ZBTB7B: variants seen among roughly 807,000 people sequenced by gnomAD.
ZBTB7B encodes the protein zinc finger and BTB domain-containing protein 7B.
In ZBTB7B, 8 loss-of-function variants were observed where a neutral mutation model predicts 31.0. The observed-to-expected ratio is 0.26, with a 90% CI of 0.15 to 0.47. The LOEUF is 0.47. ZBTB7B is among the 20% of genes least tolerant of loss of function. The pLI is 0.99. For synonymous variants in ZBTB7B, 261 were observed against 307.3 expected, an observed-to-expected ratio of 0.85 and a Z score of 1.58; for missense variants, 494 against 742.4, an observed-to-expected ratio of 0.67 and a Z score of 3.89.
Position 155,003,363 on chromosome 1 carries a change from C to G in ZBTB7B, c.-7+420C>G, listed in dbSNP as rs919415007. Among the ~76,000 whole-genome samples the G allele has an allele frequency of 1.3e-5, 2 of 152,060 alleles. No homozygotes were observed. Among genetic ancestry groups the G allele is most frequent in the Middle Eastern group, 3.2e-3 (1 of 312 alleles). On this transcript the variant is annotated intron_variant, in intron 1 of 2. Transcript: ENST00000535420. This position sits in a 1 kb window ranked among gnomAD's most constrained non-coding sequence, Gnocchi z 5.8. ...TCTAACTAGGACAACGCGCACCCCC[C>G]CCCCACCCCGCGCCCCCTGGCGCGG...
upstream of ZBTB7B, chr1:155,002,685 AGGTGAGGCGGGCCCTGAGGGGGGGGCG>A (rs1246165228): frequency 5.6e-5 from 4 of 71,592 alleles, no homozygotes; most frequent in Non-Finnish European, 1.0e-4. Flanking sequence ...ACAGCAGGAC[AGGTGAGGCGGGCCCTGAGGGGGGGGCG>A]GGTGGGAGCC....
In ZBTB7B at chr1:155,011,027, G is replaced by A. The variant is rs1196253696; in HGVS notation, c.-6-3628G>A. ...GGCAGAGCCTAGAGGTAGGGGCCTT[G>A]GAACCTGGGGAGGGGGGGCTCTGCG... On this transcript the variant is annotated intron_variant, in intron 1 of 2. Transcript: ENST00000535420. 2.0e-6 allele frequency: 3 copies of A among 1,531,266 alleles called. No individual in the cohort carries two copies. In the Admixed American group the frequency reaches 5.9e-5, roughly 30 times the overall value. 94.9% of individuals were successfully genotyped at this position (1,531,266 alleles called of 1,614,324 possible). A position where few individuals can be genotyped will look rare whatever the true frequency, so the allele number is the denominator to read the frequency against.
rs1658458909 is a variant in ZBTB7B, at chr1:155,004,792, T to G, written c.-7+1849T>G. On this transcript the variant is annotated intron_variant, in intron 1 of 2. Transcript: ENST00000535420. This position sits in a 1 kb window ranked among gnomAD's most constrained non-coding sequence, Gnocchi z 4.0. ...CAGCGTGCCTCTGTTACATGGTTGC[T>G]GTGGGCACAACACAACCTGCTGGCA... is the stretch of plus-strand genomic sequence containing the variant. Among the ~76,000 whole-genome samples the G allele has an allele frequency of 6.6e-6, 1 of 151,552 alleles. No individual in the cohort carries two copies. The highest frequency in any genetic ancestry group is 1.5e-5 in the Non-Finnish European group (1 of 67,852).
At chr1:155,011,402 T>C (rs542304974) in intron 1 of ZBTB7B, among the ~76,000 whole-genome samples, 5 of 152,344 alleles carry the variant, frequency 3.3e-5, no homozygotes, top group Non-Finnish European at 4.4e-5. Context: ...GGGTAGGTGA[T>C]AGGCACTCCC....
chr1:155,006,580 A>G (rs1046324851), intron 1 of ZBTB7B, among the ~76,000 whole-genome samples: 7 of 152,190 alleles, frequency 4.6e-5, no homozygotes, highest in African/African-American at 1.2e-4. Flanking sequence ...TCAATTTGCT[A>G]TCTTTTGACA....
intron 1 of ZBTB7B, among the ~76,000 whole-genome samples, chr1:155,009,966 A>G (rs993687505): frequency 6.6e-6 from 1 of 151,968 alleles, no homozygotes; most frequent in Non-Finnish European, 1.5e-5. Flanking sequence ...GAGTTCAGGG[A>G]GGGCTGAAGG....
chr1:155,012,948 A>T (rs1659102216), intron 1 of ZBTB7B, among the ~76,000 whole-genome samples: 5 of 152,080 alleles, frequency 3.3e-5, no homozygotes, highest in Admixed American at 1.3e-4. Context: ...CATATGAGGA[A>T]CAGGCTTCCT....
chr1:155,017,572 T>TCACGCCGCCCCC lies in ZBTB7B; in HGVS notation c.*887_*888insCACGCCGCCCCC, dbSNP rs1558094365. 4 of 154,444 alleles carry TCACGCCGCCCCC rather than the reference T, an allele frequency of 2.6e-5. No homozygotes were observed. The highest frequency in any genetic ancestry group is 9.6e-5 in the African/African-American group (4 of 41,478). 9.6% of individuals were successfully genotyped at this position (154,444 alleles called of 1,614,324 possible). On this transcript the variant is annotated 3_prime_UTR_variant, in exon 3 of 3. Coordinates refer to ENST00000535420, the MANE Select transcript of ZBTB7B (RefSeq NM_001256455.2). ...GAGCCGCCGCCACCGCTGCCGCCCCTGACTCACGCCGCCCCCGGGCTGGCG... is the reference window on the plus strand; with the variant it reads ...GAGCCGCCGCCACCGCTGCCGCCCCTCACGCCGCCCCCGACTCACGCCGCCCCCGGGCTGGCG...
Position 155,018,166 on chromosome 1 carries a change from G to A in ZBTB7B, c.*1481G>A, listed in dbSNP as rs1659607910. On this transcript the variant is annotated 3_prime_UTR_variant, in exon 3 of 3. Coordinates refer to ENST00000535420, the MANE Select transcript of ZBTB7B (RefSeq NM_001256455.2). The stretch of plus-strand genomic sequence containing the variant: ...CTTCCATGCACCCCCATGCCCATTT[G>A]CACAGCTGCCCAGGTACCCCTAACA... 2 of 238,882 alleles carry A rather than the reference G, an allele frequency of 8.4e-6. No homozygotes were observed. The highest frequency in any genetic ancestry group is 2.3e-5 in the African/African-American group (1 of 43,628). The allele number at this position is 238,882 out of a possible 1,614,324, so 14.8% of individuals were successfully genotyped here.
rs1318212280 is a variant in ZBTB7B at position 155,018,275 on chromosome 1, CG to C, written c.*1594del. The C allele has an allele frequency of 4.0e-6, 2 of 500,704 alleles. No homozygotes were observed. Among genetic ancestry groups the C allele is most frequent in the Non-Finnish European group, 7.2e-6 (2 of 277,976 alleles). The allele number at this position is 500,704 out of a possible 1,614,324, so 31.0% of individuals were successfully genotyped here. ...GTGATGATGTAATATATTGGGGTGG[CG>C]GGGAGATCGGGTTGTCCTGGGCCTC... On this transcript the variant is annotated 3_prime_UTR_variant, in exon 3 of 3. Coordinates refer to ENST00000535420, the MANE Select transcript of ZBTB7B (RefSeq NM_001256455.2).
At position 155,014,851 on chromosome 1, in the gene ZBTB7B, C is replaced by T; in HGVS notation, c.191C>T (p.Thr64Ile). The T allele has an allele frequency of 6.2e-7, 1 of 1,614,226 alleles. No individual in the cohort carries two copies. The highest frequency in any genetic ancestry group is 8.5e-7 in the Non-Finnish European group (1 of 1,180,034). ...ACSHYFKKLF[T>I]EGGGGAVMGA... ...AGCCACTACTTCAAGAAGCTTTTCACTGAGGGCGGTGGCGGAGCTGTCATG... is the reference window on the plus strand; with the variant it reads ...AGCCACTACTTCAAGAAGCTTTTCATTGAGGGCGGTGGCGGAGCTGTCATG... Residue 64 changes from threonine to isoleucine, a missense_variant, in exon 2 of 3, where the codon ACT becomes ATT. Transcript: ENST00000535420.
Position 155,015,694 on chromosome 1 carries a change from C to T in ZBTB7B, c.1034C>T (p.Pro345Leu). 6.2e-7 allele frequency: 1 copy of T among 1,612,820 alleles called. No individual in the cohort carries two copies. Among genetic ancestry groups the T allele is most frequent in the Non-Finnish European group, 8.5e-7 (1 of 1,180,028 alleles). The change falls in exon 2 of 3, where the codon CCT (proline) becomes CTT (leucine). Residue 345 changes from proline to leucine, a missense_variant. Coordinates refer to ENST00000535420, the MANE Select transcript of ZBTB7B (RefSeq NM_001256455.2). ...KLVRKRRSQM[P>L]QECPVCHKII... Reference sequence around the variant, plus strand: ...GTGCGCAAACGCCGCTCCCAGATGCCTCAGGAGTGCCCTGTCTGCCACAAG... The same window carrying T: ...GTGCGCAAACGCCGCTCCCAGATGCTTCAGGAGTGCCCTGTCTGCCACAAG...
intron 1 of ZBTB7B, among the ~76,000 whole-genome samples, chr1:155,010,563 G>T (rs2102290498): frequency 6.6e-6 from 1 of 152,256 alleles, no homozygotes; most frequent in South Asian, 2.1e-4. Flanking sequence ...GTCCTCATGT[G>T]AGAAGAGGCT....
upstream of ZBTB7B, among the ~76,000 whole-genome samples, chr1:155,001,952 C>T (rs1031563194): frequency 6.6e-6 from 1 of 152,014 alleles, no homozygotes; most frequent in African/African-American, 2.4e-5. This position sits in a 1 kb window ranked among gnomAD's most constrained non-coding sequence, Gnocchi z 4.8. Flanking sequence ...CACGGGACCC[C>T]CTCCCTCAAG....
rs375125034 is a variant in ZBTB7B at position 155,016,508 on chromosome 1, C to T, written c.1443C>T (p.Pro481=). 8.1e-6 allele frequency: 13 copies of T among 1,613,958 alleles called. No individual in the cohort carries two copies. Among genetic ancestry groups the T allele is most frequent in the East Asian group, 2.2e-5 (1 of 44,896 alleles). The change falls in exon 3 of 3, where the codon CCC becomes CCT. Residue 481 remains proline, a synonymous_variant. Transcript: ENST00000535420. This position sits in a 1 kb window ranked among gnomAD's most constrained non-coding sequence, Gnocchi z 4.3. The stretch of plus-strand genomic sequence containing the variant: ...CACCCTCTACCGCTGCTGCATCCCC[C>T]GCTGGCCTCGACCTCTCCAATGGCC... ...YPPPSTAAAS[P]AGLDLSNGHL... is the part of the protein sequence containing the mutation.
intron 1 of ZBTB7B, among the ~76,000 whole-genome samples, chr1:155,013,657 G>A (rs1659153275): frequency 6.6e-6 from 1 of 151,596 alleles, no homozygotes; most frequent in Non-Finnish European, 1.5e-5. Context: ...GCCTTCTGGA[G>A]ACGGGGCTCT....
intron 1 of ZBTB7B, among the ~76,000 whole-genome samples, chr1:155,005,197 G>C (rs2102272120): frequency 6.6e-6 from 1 of 152,256 alleles, no homozygotes; most frequent in South Asian, 2.1e-4. Context: ...GAAGGGTGGG[G>C]GAGGGGGCCC....
intron 1 of ZBTB7B, among the ~76,000 whole-genome samples, chr1:155,007,476 G>C (rs1658628796): frequency 6.6e-6 from 1 of 152,220 alleles, no homozygotes; most frequent in Non-Finnish European, 1.5e-5. Context: ...GTTGGCACCT[G>C]GTGGTAGGGA....
chr1:155,014,037 G>A (rs1340068933), intron 1 of ZBTB7B: 3 of 986,002 alleles, frequency 3.0e-6, no homozygotes, highest in East Asian at 2.3e-4. Flanking sequence ...TTTGGAGAGC[G>A]ATAACTTGAG....
Sources: gnomAD v4.1 joint callset for allele counts (sites outside exome capture counted in the v4.1 genomes callset) on GRCh38, gnomAD v4.1.1 for gene constraint, Gnocchi (gnomAD v3.1) non-coding constraint, MANE v1.5 for transcripts, NCBI Gene and HGNC (gene_info 2026-07-23, HGNC 2026-07-21) for gene names.